Variants in KIZ observed in about 807,000 individuals in gnomAD.
KIZ encodes the protein kizuna centrosomal protein.
In KIZ, 68 loss-of-function variants were observed where a neutral mutation model predicts 79.6. That is an observed-to-expected ratio of 0.85 (90% confidence interval 0.70 to 1.05). KIZ has a LOEUF of 1.05. Ranked by LOEUF, KIZ falls within the 50% of genes least tolerant of loss-of-function variation. The pLI is 0.00. For synonymous variants in KIZ, 280 were observed against 281.8 expected, an observed-to-expected ratio of 0.99 and a Z score of 0.06; for missense variants, 797 against 800.4, an observed-to-expected ratio of 1.00 and a Z score of 0.05.
intron 6 of KIZ, among the ~76,000 whole-genome samples, chr20:21,187,223 C>G (rs2034912129): frequency 6.6e-6 from 1 of 152,164 alleles, no homozygotes; most frequent in African/African-American, 2.4e-5. Flanking sequence ...CAACAGCAAA[C>G]CAGCCCAATC....
At chr20:21,188,375 A>G (rs1260501166) in intron 6 of KIZ, among the ~76,000 whole-genome samples, 2 of 152,212 alleles carry the variant, frequency 1.3e-5, no homozygotes, top group South Asian at 2.1e-4. Context: ...ACAGTTCTAC[A>G]TGGTTGTCTG....
chr20:21,157,187 A>G lies in KIZ; in HGVS notation c.406-4684A>G, dbSNP rs186837193. On this transcript the variant is annotated intron_variant, in intron 4 of 12. Coordinates refer to ENST00000619189, the MANE Select transcript of KIZ (RefSeq NM_018474.6). ...CAACTAGAAATAGTGCGGGAAGACA[A>G]CCTTCCTATTGAGTTGAAGCAGATC... 3.3e-5 allele frequency among the ~76,000 whole-genome samples: 5 copies of G among 152,304 alleles called. No individual in the cohort carries two copies. In the East Asian group the frequency reaches 9.6e-4, roughly 29 times the overall value.
chr20:21,246,258 A>C, intron 12 of KIZ: 1 of 530,052 alleles, frequency 1.9e-6, no homozygotes, highest in Non-Finnish European at 3.3e-6. Context: ...GTATTCTGCA[A>C]ATTGTTTTCC....
chr20:21,205,725 T>C, intron 7 of KIZ, 141 bp downstream of exon 7: 1 of 508,288 alleles, frequency 2.0e-6, no homozygotes. Context: ...CACTTTTGGA[T>C]GCTGAGGCAG....
chr20:21,190,445 G>C (rs1337487948), intron 6 of KIZ, among the ~76,000 whole-genome samples: 1 of 152,232 alleles, frequency 6.6e-6, no homozygotes, highest in East Asian at 1.9e-4. Context: ...AGCTTCTACA[G>C]ACCTCTCTGG....
chr20:21,196,533 T>C (rs1159585660), intron 6 of KIZ: 1 of 152,204 alleles, frequency 6.6e-6, no homozygotes, highest in Non-Finnish European at 1.5e-5. Context: ...GGAAATTGAG[T>C]GATGACAAGA....
In KIZ at chr20:21,164,372, G is replaced by A. The variant is rs573662369; in HGVS notation, c.1352+1213G>A. On this transcript the variant is annotated intron_variant, in intron 6 of 12. Coordinates refer to ENST00000619189, the MANE Select transcript of KIZ (RefSeq NM_018474.6). Reference sequence around the variant, plus strand: ...GCACTATGGATGGAAGAACCGACATGGTTCCTGTCATTGGGAAATTTGATT... The same window carrying A: ...GCACTATGGATGGAAGAACCGACATAGTTCCTGTCATTGGGAAATTTGATT... Among the ~76,000 whole-genome samples the A allele has an allele frequency of 6.6e-5, 10 of 152,298 alleles. No individual in the cohort carries two copies. The East Asian group carries it at 1.9e-3, about 29-fold the overall frequency.
intron 6 of KIZ, among the ~76,000 whole-genome samples, chr20:21,178,002 T>A (rs1398159521): frequency 1.3e-5 from 2 of 152,136 alleles, no homozygotes; most frequent in Admixed American, 6.5e-5. Context: ...TATTTTGAAA[T>A]CAGGACGTGT....
rs1379466017 is a variant in KIZ, at chr20:21,229,025, C to A, written c.1693C>A (p.Gln565Lys). The A allele has an allele frequency of 6.3e-7, 1 of 1,599,604 alleles. No individual in the cohort carries two copies. ...DIPITETEAY[Q>K]LLKKATLQDN... ...TTAATCAACAGAAACAGAAGCCTAT[C>A]AGTTGCTGAAGAAGGCCACCCTTCA... The change falls in exon 10 of 13, where the codon CAG becomes AAG. Residue 565 changes from glutamine (Q) to lysine (K), a missense_variant. By Grantham distance (53) the Gln-to-Lys change is moderately conservative. Transcript: ENST00000619189.
rs1253627959 is a variant in KIZ, at chr20:21,246,480, C to G, written c.1926C>G (p.Ala642=). The change falls in exon 13 of 13, where the codon GCC becomes GCG. Residue 642 remains alanine (A), a splice_region_variant and synonymous_variant. Transcript: ENST00000619189. Reference sequence around the variant, plus strand: ...TAACTGTCTGGTTTTATTTTCCAGCCCTCTGGGATGAGTCTGATGACAGTA... The same window carrying G: ...TAACTGTCTGGTTTTATTTTCCAGCGCTCTGGGATGAGTCTGATGACAGTA... ...KKPVINLKSN[A]LWDESDDSNS... The G allele has an allele frequency of 1.9e-6, 3 of 1,592,254 alleles. No individual in the cohort carries two copies. The South Asian group carries it at 3.3e-5, about 18-fold the overall frequency.
intron 6 of KIZ, among the ~76,000 whole-genome samples, chr20:21,189,046 G>T (rs1471749222): frequency 6.6e-6 from 1 of 152,110 alleles, no homozygotes; most frequent in Admixed American, 6.5e-5. Flanking sequence ...GTCTTGCTAT[G>T]TTGCCCAGGC....
chr20:21,157,953 A>G lies in KIZ; in HGVS notation c.406-3918A>G, dbSNP rs78421402. Among the ~76,000 whole-genome samples, 1,131 of 152,250 alleles carry G rather than the reference A, an allele frequency of 7.4e-3. 17 individuals carry two copies. Among genetic ancestry groups the G allele is most frequent in the African/African-American group, 0.026 (1,088 of 41,562 alleles). Reference sequence around the variant, plus strand: ...CTAAGTCTGATCACTGATTTGCTTCATGTCTCCACCAAGTAACTGCTATTG... The same window carrying G: ...CTAAGTCTGATCACTGATTTGCTTCGTGTCTCCACCAAGTAACTGCTATTG... On this transcript the variant is annotated intron_variant, in intron 4 of 12. Transcript: ENST00000619189.
rs56314647 is a variant in KIZ, at chr20:21,142,790, C to CAAATAAATAAATAAATAAATAAAT, written c.316-2771_316-2748dup. ...TGGGTGACAGAGCAAGCCCTTGTCT[C>CAAATAAATAAATAAATAAATAAAT]AAATAAATAAATAAATAAATAAATA... On this transcript the variant is annotated intron_variant, in intron 3 of 12. Transcript: ENST00000619189. Among the ~76,000 whole-genome samples, 205 of 147,952 alleles carry CAAATAAATAAATAAATAAATAAAT rather than the reference C, an allele frequency of 1.4e-3. 1 individual carries two copies. Among genetic ancestry groups the CAAATAAATAAATAAATAAATAAAT allele is most frequent in the African/African-American group, 4.9e-3 (193 of 39,576 alleles).
At chr20:21,198,587 A>C (rs2035457572) in intron 6 of KIZ, 1 of 152,446 alleles carries the variant, frequency 6.6e-6, no homozygotes, top group Non-Finnish European at 1.5e-5. Flanking sequence ...AGATATAAAT[A>C]GGGAGGATAT....
At chr20:21,186,458 T>A (rs1339546528) in intron 6 of KIZ, among the ~76,000 whole-genome samples, 2 of 151,798 alleles carry the variant, frequency 1.3e-5, no homozygotes, top group African/African-American at 4.8e-5. Context: ...GGGACTTGTC[T>A]GACATCCCCT....
In KIZ at chr20:21,221,627, G is replaced by C. The variant is rs139012928; in HGVS notation, c.1678+5979G>C. Among the ~76,000 whole-genome samples the C allele has an allele frequency of 3.0e-3, 464 of 152,288 alleles. 5 individuals are homozygous for C. The highest frequency in any genetic ancestry group is 0.011 in the African/African-American group (444 of 41,564). ...TGCCATTCCTCGTGGATATTCTTTG[G>C]CAAGCTGAAATATGCAGGGTAATAC... is the stretch of plus-strand genomic sequence containing the variant. On this transcript the variant is annotated intron_variant, in intron 9 of 12. Transcript: ENST00000619189.
intron 6 of KIZ, chr20:21,166,183 T>G: frequency 1.6e-6 from 2 of 1,212,418 alleles, no homozygotes; most frequent in Non-Finnish European, 2.4e-6. Flanking sequence ...GGCATTTTAT[T>G]TGTAAATATA....
At chr20:21,170,765 C>T (rs28852515) in intron 6 of KIZ, among the ~76,000 whole-genome samples, 5,290 of 152,164 alleles carry the variant, frequency 0.035, 313 homozygotes, top group African/African-American at 0.12. Flanking sequence ...TCTCCGCCCC[C>T]GAACTCCACT....
intron 3 of KIZ, among the ~76,000 whole-genome samples, chr20:21,139,875 A>G (rs578209666): frequency 4.5e-4 from 68 of 152,340 alleles, no homozygotes; most frequent in African/African-American, 1.6e-3. Flanking sequence ...TGGATAAGGA[A>G]TGCCTTTAAA....
Sources: gnomAD v4.1 joint callset for allele counts (sites outside exome capture counted in the v4.1 genomes callset) on GRCh38, gnomAD v4.1.1 for gene constraint, MANE v1.5 for transcripts, NCBI Gene and HGNC (gene_info 2026-07-23, HGNC 2026-07-21) for gene names.